Variants in SENP6 observed in about 807,000 individuals in gnomAD.
SENP6 encodes sentrin-specific protease 6.
In SENP6, 41 loss-of-function variants were observed where a neutral mutation model predicts 134.5. The ratio of observed to expected loss-of-function variants is 0.30; its 90% CI spans 0.24 to 0.40. SENP6 has a LOEUF of 0.40. Ranked by LOEUF, SENP6 falls within the 10% of genes least tolerant of loss-of-function variation. The probability of loss-of-function intolerance (pLI) is 1.00; values close to 1 mark genes in which losing one functional copy is unlikely to be tolerated. For synonymous variants in SENP6, 395 were observed against 429.8 expected, an observed-to-expected ratio of 0.92 and a Z score of 1.00; for missense variants, 1,248 against 1,312.5, an observed-to-expected ratio of 0.95 and a Z score of 0.76.
chr6:75,613,603 A>C (rs559909407), intron 1 of SENP6, among the ~76,000 whole-genome samples: 91 of 152,342 alleles, frequency 6.0e-4, no homozygotes, highest in South Asian at 2.7e-3. Flanking sequence ...TGTATAAATA[A>C]GCGATTATAT....
chr6:75,621,035 T>G lies in SENP6; in HGVS notation c.53-497T>G, dbSNP rs555014202. 4.5e-4 allele frequency among the ~76,000 whole-genome samples: 68 copies of G among 152,316 alleles called. No individual in the cohort carries two copies. In the South Asian group the frequency reaches 0.013, roughly 30 times the overall value. ...AATTCATAATGAGCACATTTAGTGTTCTGATCTAGAGTTTTTCAGGTTGTC... is the reference window on the plus strand; with the variant it reads ...AATTCATAATGAGCACATTTAGTGTGCTGATCTAGAGTTTTTCAGGTTGTC... On this transcript the variant is annotated intron_variant, in intron 1 of 23. Coordinates refer to ENST00000447266, the MANE Select transcript of SENP6 (RefSeq NM_015571.4).
intron 2 of SENP6, among the ~76,000 whole-genome samples, chr6:75,621,862 A>G (rs1404659471): frequency 6.6e-6 from 1 of 152,222 alleles, no homozygotes; most frequent in Non-Finnish European, 1.5e-5. Flanking sequence ...TAACCTTACA[A>G]TTAAAAATTG....
At position 75,634,724 on chromosome 6, in the gene SENP6, C is replaced by T. The variant is rs775924894; in HGVS notation, c.371C>T (p.Thr124Met). ...ATCTGCAGTGAAAATACGCAAAATACGTCATTATGTTCTGGAACTGTAGTT... is the reference window on the plus strand; with the variant it reads ...ATCTGCAGTGAAAATACGCAAAATATGTCATTATGTTCTGGAACTGTAGTT... ...NKKLSENTQNTSLCSGTVVHG... is the reference protein window; with the variant it reads ...NKKLSENTQNMSLCSGTVVHG... The change falls in exon 5 of 24, where the codon ACG becomes ATG. Residue 124 changes from threonine to methionine, a missense_variant. By Grantham distance (81) the Thr-to-Met change is moderately conservative (BLOSUM62 -1). This residue lies in a region of SENP6 where 733 missense variants were observed against 725.4 expected (regional missense o/e 1.01). Transcript: ENST00000447266. The T allele has an allele frequency of 8.2e-6, 13 of 1,576,112 alleles. No individual in the cohort carries two copies. Among genetic ancestry groups the T allele is most frequent in the South Asian group, 1.2e-5 (1 of 83,346 alleles).
intron 16 of SENP6, among the ~76,000 whole-genome samples, chr6:75,684,061 CTT>C (rs1333554784): frequency 6.6e-6 from 1 of 152,126 alleles, no homozygotes; most frequent in Non-Finnish European, 1.5e-5. Flanking sequence ...TTTGTGTCCT[CTT>C]TTATTTCGTT....
chr6:75,638,340 T>C (rs1366773615), intron 5 of SENP6, among the ~76,000 whole-genome samples: 22 of 150,612 alleles, frequency 1.5e-4, no homozygotes, highest in Non-Finnish European at 3.0e-5. Flanking sequence ...AGAATGTAAG[T>C]TGACATTTTT....
At chr6:75,606,349 C>T (rs1767025200) in intron 1 of SENP6, among the ~76,000 whole-genome samples, 1 of 152,136 alleles carries the variant, frequency 6.6e-6, no homozygotes, top group Admixed American at 6.5e-5. Context: ...TTGTTTCTTT[C>T]ACTTCTCTTC....
intron 8 of SENP6, among the ~76,000 whole-genome samples, chr6:75,661,732 C>G (rs1337959102): frequency 6.6e-6 from 1 of 152,096 alleles, no homozygotes; most frequent in African/African-American, 2.4e-5. Flanking sequence ...TGAAATTCTA[C>G]ACTATGTACC....
At chr6:75,689,116 A>G (rs771830390) in intron 16 of SENP6, among the ~76,000 whole-genome samples, 8 of 152,144 alleles carry the variant, frequency 5.3e-5, no homozygotes, top group Non-Finnish European at 1.0e-4. Flanking sequence ...AGTCCTAGCT[A>G]TTGAGGAGGC....
At chr6:75,607,982 A>C (rs1767152607) in intron 1 of SENP6, among the ~76,000 whole-genome samples, 1 of 152,206 alleles carries the variant, frequency 6.6e-6, no homozygotes, top group South Asian at 2.1e-4. Context: ...ACTTAGGGGA[A>C]TACACCTCTT....
rs768673316 is a variant in SENP6 at position 75,602,600 on chromosome 6, G to A, written c.52+24G>A. 3.2e-6 allele frequency: 5 copies of A among 1,549,464 alleles called. No individual in the cohort carries two copies. In the South Asian group the frequency reaches 6.0e-5, roughly 18 times the overall value. ...AGGTACGTCTGTTTCTGCCCTTGAC[G>A]GGGAGAAGGGAGGGTATACTGGAAA... is the stretch of plus-strand genomic sequence containing the variant. On this transcript the variant is annotated intron_variant, in intron 1 of 23. Transcript: ENST00000447266.
intron 16 of SENP6, among the ~76,000 whole-genome samples, chr6:75,692,879 C>T (rs926266729): frequency 3.3e-5 from 5 of 151,912 alleles, no homozygotes; most frequent in Non-Finnish European, 7.4e-5. Flanking sequence ...GCCTGGACAA[C>T]ATGGCGAAAC....
chr6:75,688,339 G>A (rs767214541), intron 16 of SENP6, among the ~76,000 whole-genome samples: 1 of 152,166 alleles, frequency 6.6e-6, no homozygotes, highest in African/African-American at 2.4e-5. Context: ...CCCCCAACCT[G>A]TTGCACTTCC....
chr6:75,713,810 A>C lies in SENP6; in HGVS notation c.3114A>C (p.Val1038=). The stretch of plus-strand genomic sequence containing the variant: ...GTGGTGTATATGTATTGCAGTATGT[A>C]GAGAGCTTTTTTGAGGTGGGTTTCA... The part of the protein sequence containing the change: ...SDCGVYVLQY[V]ESFFENPILS... Residue 1038 remains valine, a synonymous_variant, in exon 23 of 24, where the codon GTA becomes GTC. Coordinates refer to ENST00000447266, the MANE Select transcript of SENP6 (RefSeq NM_015571.4). 1 of 1,584,500 alleles carries C rather than the reference A, an allele frequency of 6.3e-7. No individual in the cohort carries two copies. The highest frequency in any genetic ancestry group is 1.2e-5 in the South Asian group (1 of 84,430).
intron 16 of SENP6, among the ~76,000 whole-genome samples, chr6:75,687,995 C>T (rs1773965532): frequency 6.6e-6 from 1 of 152,232 alleles, no homozygotes; most frequent in South Asian, 2.1e-4. Context: ...CTATGCCCTG[C>T]CCACAGTGGT....
intron 7 of SENP6, among the ~76,000 whole-genome samples, chr6:75,653,349 G>A (rs1771064197): frequency 1.3e-5 from 2 of 152,034 alleles, no homozygotes; most frequent in South Asian, 2.1e-4. Flanking sequence ...TTCTAATGTT[G>A]TCAAATAGTA....
rs1238738601 is a variant in SENP6 at position 75,638,612 on chromosome 6, ATATATATATATTTTTTTTT to A, written c.459-2070_459-2052del. ...TGTGTATATATATATATATATATATATATATATATATTTTTTTTTTTTTTTTTTTTTTTTTTTTAACTGT... is the reference window on the plus strand; with the variant it reads ...TGTGTATATATATATATATATATATATTTTTTTTTTTTTTTTTTTAACTGT... On this transcript the variant is annotated intron_variant, in intron 5 of 23. Transcript: ENST00000447266. 5.8e-3 allele frequency among the ~76,000 whole-genome samples: 225 copies of A among 38,506 alleles called. 2 individuals are homozygous for A. The highest frequency in any genetic ancestry group is 8.7e-3 in the Admixed American group (21 of 2,412). The allele number at this position is 38,506 out of a possible 152,430, so 25.3% of individuals were successfully genotyped here.
rs1770447616 is a variant in SENP6 at position 75,646,479 on chromosome 6, A to C, written c.480-1252A>C. 3 of 152,204 alleles carry C rather than the reference A, an allele frequency of 2.0e-5. No homozygotes were observed. In the South Asian group the frequency reaches 6.2e-4, roughly 32 times the overall value. The allele number at this position is 152,204 out of a possible 1,614,324, so 9.4% of individuals were successfully genotyped here. A position where few individuals can be genotyped will look rare whatever the true frequency, so the allele number is the denominator to read the frequency against. On this transcript the variant is annotated intron_variant, in intron 6 of 23. Coordinates refer to ENST00000447266, the MANE Select transcript of SENP6 (RefSeq NM_015571.4). ...GTTATATAAGTTTATTGTGAGGATT[A>C]AAGGAATTAATAAATACAAAGCACA...
At position 75,608,276 on chromosome 6, in the gene SENP6, C is replaced by A. The variant is rs150113628; in HGVS notation, c.52+5700C>A. On this transcript the variant is annotated intron_variant, in intron 1 of 23. Transcript: ENST00000447266. ...AGGAGTTCAAGACCAGCCTGGGCAA[C>A]ATAACGAGGCCCCATCTCTGCAAAA... 6.0e-4 allele frequency among the ~76,000 whole-genome samples: 92 copies of A among 152,110 alleles called. No individual in the cohort carries two copies. In the East Asian group the frequency reaches 0.016, roughly 27 times the overall value.
chr6:75,634,355 T>A (rs1769342885), intron 4 of SENP6, among the ~76,000 whole-genome samples: 1 of 152,196 alleles, frequency 6.6e-6, no homozygotes, highest in Non-Finnish European at 1.5e-5. Flanking sequence ...CAAGTGATTC[T>A]CCTGCTTCAT....
Sources: allele counts gnomAD v4.1 joint callset (sites outside exome capture counted in the v4.1 genomes callset), GRCh38; gene constraint gnomAD v4.1.1; regional missense constraint gnomAD v4.1.1; transcripts MANE v1.5; gene names NCBI Gene and HGNC (gene_info 2026-07-23, HGNC 2026-07-21).